The following PTPRQ variants were observed in gnomAD, a reference collection of about 807,000 sequenced individuals.
PTPRQ encodes the protein phosphatidylinositol phosphatase PTPRQ.
Under a neutral mutation model 246.0 loss-of-function variants are expected in PTPRQ, and 199 were observed. The observed-to-expected ratio is 0.81, with a 90% CI of 0.72 to 0.91. PTPRQ has a LOEUF of 0.91. Among genes scored for constraint, PTPRQ ranks in the 40% least tolerant of loss-of-function variants. The pLI, the probability that PTPRQ is intolerant of heterozygous loss-of-function variation, is 0.00. For synonymous variants in PTPRQ, 869 were observed against 853.2 expected, an observed-to-expected ratio of 1.02 and a Z score of -0.32; for missense variants, 2,624 against 2,528.4, an observed-to-expected ratio of 1.04 and a Z score of -0.81.
chr12:80,664,053 A>G (rs1900712645), intron 39 of PTPRQ, among the ~76,000 whole-genome samples: 1 of 151,926 alleles, frequency 6.6e-6, no homozygotes, highest in African/African-American at 2.4e-5. Flanking sequence ...ACCTTTTGAT[A>G]AATCCCCAAA....
chr12:80,507,527 A>G (rs1821846694), intron 16 of PTPRQ, among the ~76,000 whole-genome samples: 1 of 151,868 alleles, frequency 6.6e-6, no homozygotes. Flanking sequence ...AGACACTGCT[A>G]GGAAGGGAGA....
chr12:80,640,062 GTGTT>G (rs1899800913), intron 35 of PTPRQ, among the ~76,000 whole-genome samples: 1 of 149,834 alleles, frequency 6.7e-6, no homozygotes, highest in Admixed American at 6.6e-5. Flanking sequence ...GTGTGTGTGT[GTGTT>G]TAACTTCGAA....
intron 35 of PTPRQ, among the ~76,000 whole-genome samples, chr12:80,643,403 A>T (rs1284469555): frequency 1.3e-5 from 2 of 151,092 alleles, no homozygotes; most frequent in Non-Finnish European, 2.9e-5. Context: ...GCACCATTGC[A>T]CTCCAGCCTG....
Position 80,455,693 on chromosome 12 carries a change from C to T in PTPRQ, c.391-1882C>T, listed in dbSNP as rs948720132. Among the ~76,000 whole-genome samples, 17 of 152,026 alleles carry T rather than the reference C, an allele frequency of 1.1e-4. No individual in the cohort carries two copies. The South Asian group carries it at 1.7e-3, about 15-fold the overall frequency. ...GCAAGCTCCGCCTCCCAGGTTCACGCCATTCTCCTGCCTCAGCCTCCCAAA... is the reference window on the plus strand; with the variant it reads ...GCAAGCTCCGCCTCCCAGGTTCACGTCATTCTCCTGCCTCAGCCTCCCAAA... On this transcript the variant is annotated intron_variant, in intron 3 of 44. Transcript: ENST00000644991.
intron 17 of PTPRQ, among the ~76,000 whole-genome samples, chr12:80,533,631 T>C (rs1895905875): frequency 6.6e-6 from 1 of 152,044 alleles, no homozygotes; most frequent in South Asian, 2.1e-4. Context: ...TATAAATTAA[T>C]AGTTTAAATA....
intron 33 of PTPRQ, among the ~76,000 whole-genome samples, chr12:80,623,542 C>T (rs1899077077): frequency 6.6e-6 from 1 of 152,094 alleles, no homozygotes; most frequent in Non-Finnish European, 1.5e-5. Context: ...TTGTCATCAG[C>T]ATAATTTCCT....
intron 35 of PTPRQ, among the ~76,000 whole-genome samples, chr12:80,647,557 T>C (rs1164069874): frequency 6.6e-6 from 1 of 152,148 alleles, no homozygotes; most frequent in African/African-American, 2.4e-5. Flanking sequence ...CAAAGATTGA[T>C]TGTGGCTTCA....
At chr12:80,461,614 A>G (rs577569084) in intron 6 of PTPRQ, among the ~76,000 whole-genome samples, 46 of 150,620 alleles carry the variant, frequency 3.1e-4, no homozygotes, top group Non-Finnish European at 4.4e-4. Flanking sequence ...TATTTATTAT[A>G]TATATAATAT....
chr12:80,482,414 T>C (rs1894101031), intron 8 of PTPRQ, among the ~76,000 whole-genome samples: 2 of 152,000 alleles, frequency 1.3e-5, no homozygotes, highest in Non-Finnish European at 2.9e-5. Flanking sequence ...CCTAAAACCA[T>C]AAAAACCCTA....
intron 26 of PTPRQ, among the ~76,000 whole-genome samples, chr12:80,600,951 G>A (rs1314524959): frequency 6.6e-6 from 1 of 151,596 alleles, no homozygotes; most frequent in East Asian, 1.9e-4. Flanking sequence ...TTATTCTTAG[G>A]ACATACCAGG....
chr12:80,669,568 G>A lies in PTPRQ; in HGVS notation c.6453+104G>A, dbSNP rs1920446. 0.34 allele frequency: 480,079 copies of A among 1,392,156 alleles called. 85,421 individuals carry two copies. The highest frequency in any genetic ancestry group is 0.59 in the African/African-American group (39,951 of 67,954). The allele number at this position is 1,392,156 out of a possible 1,614,324, so 86.2% of individuals were successfully genotyped here. ...AGAACTATCCCTTTCAAGGATACCT[G>A]TATATTCAACAATGCTTTTGTATTG... On this transcript the variant is annotated intron_variant, in intron 41 of 44. Transcript: ENST00000644991.
chr12:80,490,394 A>C (rs1383043239), intron 9 of PTPRQ, among the ~76,000 whole-genome samples: 1 of 151,976 alleles, frequency 6.6e-6, no homozygotes, highest in East Asian at 1.9e-4. Context: ...AGATTACTAC[A>C]TGTAAAATCA....
intron 24 of PTPRQ, among the ~76,000 whole-genome samples, chr12:80,549,042 G>A (rs1291224050): frequency 2.0e-5 from 3 of 152,114 alleles, no homozygotes; most frequent in Non-Finnish European, 4.4e-5. Flanking sequence ...GTACTGTGAA[G>A]CCCAGATTTG....
intron 25 of PTPRQ, among the ~76,000 whole-genome samples, chr12:80,554,694 T>C (rs118102037): frequency 4.7e-4 from 72 of 152,326 alleles, no homozygotes; most frequent in Admixed American, 1.0e-3. Flanking sequence ...AATATATTAA[T>C]GCTACAATAT....
intron 17 of PTPRQ, chr12:80,512,789 C>G (rs78163115): frequency 6.6e-6 from 1 of 152,148 alleles, no homozygotes; most frequent in African/African-American, 2.4e-5. Context: ...TTCTCTCATC[C>G]TTCAAGAGGT....
intron 26 of PTPRQ, among the ~76,000 whole-genome samples, chr12:80,600,700 G>C (rs950168043): frequency 6.6e-6 from 1 of 151,784 alleles, no homozygotes; most frequent in Non-Finnish European, 1.5e-5. Flanking sequence ...TGTTGGAGAT[G>C]ATCTTTCCTT....
intron 26 of PTPRQ, among the ~76,000 whole-genome samples, chr12:80,603,152 C>T (rs1022784728): frequency 1.3e-5 from 2 of 151,686 alleles, no homozygotes; most frequent in Non-Finnish European, 3.0e-5. Flanking sequence ...TCAAATTATT[C>T]CGAGTTCTTT....
rs1565707765 is a variant in PTPRQ at position 80,445,516 on chromosome 12, CG to C, written c.193del (p.Glu65LysfsTer95). 1.3e-6 allele frequency: 2 copies of C among 1,545,144 alleles called. No homozygotes were observed. The highest frequency in any genetic ancestry group is 1.7e-6 in the Non-Finnish European group (2 of 1,144,218). ...AACCAGGGCCTCCAGTCTTCCTAGC[CG>C]GGGAAAGAGTCGGATCTGCTGGGAT... ...TKPGPPVFLAGERVGSAGILL... is the reference protein window; with the variant it reads ...TKPGPPVFLAXERVGSAGILL... On this transcript the variant is annotated frameshift_variant, in exon 3 of 45. Transcript: ENST00000644991. LOFTEE classifies it high-confidence loss of function.
At chr12:80,660,894 C>T (rs1183933524) in intron 39 of PTPRQ, among the ~76,000 whole-genome samples, 1 of 151,964 alleles carries the variant, frequency 6.6e-6, no homozygotes, top group Non-Finnish European at 1.5e-5. Flanking sequence ...TAGCCTTTGT[C>T]AGATTCTAAC....
Sources: allele counts gnomAD v4.1 joint callset (sites outside exome capture counted in the v4.1 genomes callset), GRCh38; gene constraint gnomAD v4.1.1; transcripts MANE v1.5; gene names NCBI Gene and HGNC (gene_info 2026-07-23, HGNC 2026-07-21).